The following ALDH1A2 variants were observed in gnomAD, a reference collection of about 807,000 sequenced individuals.
ALDH1A2 encodes the protein aldehyde dehydrogenase 1 family member A2.
ALDH1A2 carries 27 observed loss-of-function variants against 60.3 expected under a neutral mutation model. That is an observed-to-expected ratio of 0.45 (90% CI 0.33 to 0.62). The LOEUF is 0.62. Ranked by LOEUF, ALDH1A2 falls within the 20% of genes least tolerant of loss-of-function variation. The pLI, the probability that ALDH1A2 is intolerant of heterozygous loss-of-function variation, is 0.02. For synonymous variants in ALDH1A2, 289 were observed against 232.4 expected, an observed-to-expected ratio of 1.24 and a Z score of -2.21; for missense variants, 581 against 643.8, an observed-to-expected ratio of 0.90 and a Z score of 1.06.
At chr15:58,020,817 T>C (rs576470472) in intron 1 of ALDH1A2, among the ~76,000 whole-genome samples, 18 of 152,352 alleles carry the variant, frequency 1.2e-4, no homozygotes, top group South Asian at 2.1e-4. Context: ...CGTTTTATGT[T>C]TGTACTATGA....
chr15:58,036,278 AAATTT>A (rs1896375768), intron 1 of ALDH1A2, among the ~76,000 whole-genome samples: 2 of 151,820 alleles, frequency 1.3e-5, no homozygotes. Context: ...CTGGAAAATA[AAATTT>A]AATTATGCAC....
chr15:58,010,603 T>G, intron 4 of ALDH1A2, 46 bp downstream of exon 4: 1 of 1,608,648 alleles, frequency 6.2e-7, no homozygotes, highest in Non-Finnish European at 8.5e-7. Flanking sequence ...AGCGCATTTC[T>G]GGTGGTTTCA....
intron 1 of ALDH1A2, chr15:58,058,054 C>A: frequency 1.3e-6 from 2 of 1,534,092 alleles, no homozygotes; most frequent in Non-Finnish European, 1.7e-6. Context: ...CAGTCTCACA[C>A]TGATTCTTCA....
intron 5 of ALDH1A2, 26 bp downstream of exon 5, chr15:57,995,052 T>C (rs1456716432): frequency 1.9e-6 from 3 of 1,589,570 alleles, no homozygotes; most frequent in Non-Finnish European, 2.6e-6. Flanking sequence ...TGAAAATAAA[T>C]ACGAGGTGCG....
At chr15:58,009,348 C>T (rs767901442) in intron 4 of ALDH1A2, among the ~76,000 whole-genome samples, 1 of 151,968 alleles carries the variant, frequency 6.6e-6, no homozygotes, top group Non-Finnish European at 1.5e-5. Context: ...AAAAGACCCT[C>T]AGTGATTCAT....
intron 7 of ALDH1A2, among the ~76,000 whole-genome samples, chr15:57,985,117 G>T (rs1285956763): frequency 6.6e-6 from 1 of 151,964 alleles, no homozygotes; most frequent in African/African-American, 2.4e-5. Flanking sequence ...CTACATGTTG[G>T]CCACAATTTT....
rs868779193 is a variant in ALDH1A2, at chr15:57,970,198, C to T, written c.799-4371G>A. ...ACAGCTGCACTGAATGATGGAAAAA[C>T]CTCATCTTTTTTTAGTTTCCCTGCC... On this transcript the variant is annotated intron_variant, in intron 7 of 12. Coordinates refer to ENST00000249750, the MANE Select transcript of ALDH1A2 (RefSeq NM_003888.4). 3.3e-5 allele frequency among the ~76,000 whole-genome samples: 5 copies of T among 152,180 alleles called. No individual in the cohort carries two copies. In the South Asian group the frequency reaches 1.0e-3, roughly 31 times the overall value.
chr15:58,033,427 T>C (rs1330852086), intron 1 of ALDH1A2, among the ~76,000 whole-genome samples: 1 of 151,934 alleles, frequency 6.6e-6, no homozygotes, highest in Non-Finnish European at 1.5e-5. Context: ...TTCTATTGGT[T>C]TGGAAGTTGC....
At chr15:58,005,381 G>A (rs1895414096) in intron 4 of ALDH1A2, among the ~76,000 whole-genome samples, 1 of 69,084 alleles carries the variant, frequency 1.4e-5, no homozygotes, top group African/African-American at 3.5e-5. Context: ...AAACATCTTA[G>A]TTATTTGCCT....
intron 1 of ALDH1A2, among the ~76,000 whole-genome samples, chr15:58,062,359 A>G (rs1328247117): frequency 6.6e-6 from 1 of 152,192 alleles, no homozygotes; most frequent in Non-Finnish European, 1.5e-5. Context: ...AGATAGAGCC[A>G]AGAAAGAAGG....
At chr15:57,990,483 T>C (rs796391406) in intron 7 of ALDH1A2, 12 of 152,348 alleles carry the variant, frequency 7.9e-5, no homozygotes, top group African/African-American at 2.4e-4. Flanking sequence ...AAGAGTATTC[T>C]ATGCAGCTGT....
At chr15:58,016,284 C>T (rs1895787148) in intron 1 of ALDH1A2, among the ~76,000 whole-genome samples, 1 of 152,012 alleles carries the variant, frequency 6.6e-6, no homozygotes, top group Non-Finnish European at 1.5e-5. Context: ...GCAGGGATTA[C>T]AGGCACCCAC....
At position 57,965,749 on chromosome 15, in the gene ALDH1A2, TA is replaced by T; in HGVS notation, c.876del (p.Asn293IlefsTer45). 1 of 1,614,084 alleles carries T rather than the reference TA, an allele frequency of 6.2e-7. No individual in the cohort carries two copies. Among genetic ancestry groups the T allele is most frequent in the South Asian group, 1.1e-5 (1 of 91,078 alleles). On this transcript the variant is annotated frameshift_variant, in exon 8 of 13. Coordinates refer to ENST00000249750, the MANE Select transcript of ALDH1A2 (RefSeq NM_003888.4). LOFTEE classifies it high-confidence loss of function. ...CAGTCAGCATCAGCAAAAATAATAT[TA>T]GGACTTTTGCCTCCAAGTTCCAGAG... ...RVTLELGGKS[P>X]NIIFADADLD...
At chr15:58,060,149 G>A (rs1458393829) in intron 1 of ALDH1A2, among the ~76,000 whole-genome samples, 1 of 152,146 alleles carries the variant, frequency 6.6e-6, no homozygotes, top group Non-Finnish European at 1.5e-5. Flanking sequence ...TCAAACTCCT[G>A]GCTTCAGGTG....
rs754006072 is a variant in ALDH1A2 at position 58,013,860 on chromosome 15, C to T, written c.361G>A (p.Ala121Thr). The T allele has an allele frequency of 3.1e-6, 5 of 1,614,160 alleles. No homozygotes were observed. The highest frequency in any genetic ancestry group is 4.2e-6 in the Non-Finnish European group (5 of 1,180,000). ...TAATGTTTTCTTAGGTTACTTACTG[C>T]AAGAACTGCCCTGTCCCGTTCCACC... ...DLVERDRAVL[A>T]TMESLNGGKP... The change falls in exon 3 of 13, where the codon GCA (alanine) becomes ACA (threonine). Residue 121 changes from alanine (A) to threonine (T), a missense_variant and splice_region_variant. Ala to Thr is a moderately conservative substitution (Grantham distance 58). Transcript: ENST00000249750.
rs1893473921 is a variant in ALDH1A2 at position 57,955,122 on chromosome 15, TGA to T, written c.*73_*74del. On this transcript the variant is annotated 3_prime_UTR_variant, in exon 13 of 13. Transcript: ENST00000249750. ...GGACCGTGGCTCAACTTTGTATTCC[TGA>T]GAGCTGGGCCCTACAGAGAAAGCAG... is the stretch of plus-strand genomic sequence containing the variant. 2 of 1,450,944 alleles carry T rather than the reference TGA, an allele frequency of 1.4e-6. No homozygotes were observed. The highest frequency in any genetic ancestry group is 1.4e-5 in the African/African-American group (1 of 71,574). 89.9% of individuals were successfully genotyped at this position (1,450,944 alleles called of 1,614,324 possible). A position where few individuals can be genotyped will look rare whatever the true frequency, so the allele number is the denominator to read the frequency against.
chr15:57,989,668 A>C (rs1894827532), intron 7 of ALDH1A2, among the ~76,000 whole-genome samples: 1 of 150,358 alleles, frequency 6.7e-6, no homozygotes, highest in South Asian at 2.1e-4. Flanking sequence ...ATATATGGAA[A>C]TGCATCATGT....
rs183680454 is a variant in ALDH1A2 at position 58,000,657 on chromosome 15, G to A, written c.494-5518C>T. ...AAAAAGTTTACTTGCTTACTGTATA[G>A]AATCATCTTGAATGCTACCAGTGCT... On this transcript the variant is annotated intron_variant, in intron 4 of 12. Coordinates refer to ENST00000249750, the MANE Select transcript of ALDH1A2 (RefSeq NM_003888.4). 1.7e-4 allele frequency among the ~76,000 whole-genome samples: 26 copies of A among 151,966 alleles called. No individual in the cohort carries two copies. In the East Asian group the frequency reaches 4.1e-3, roughly 24 times the overall value.
At chr15:57,991,398 A>G (rs944266801) in intron 7 of ALDH1A2, 1 of 152,080 alleles carries the variant, frequency 6.6e-6, no homozygotes, top group Non-Finnish European at 1.5e-5. Context: ...CGACAAACAC[A>G]AAACTCAGTA....
Sources: allele counts gnomAD v4.1 joint callset (sites outside exome capture counted in the v4.1 genomes callset), GRCh38; gene constraint gnomAD v4.1.1; transcripts MANE v1.5; gene names NCBI Gene and HGNC (gene_info 2026-07-23, HGNC 2026-07-21).